SNRPN: variants seen among roughly 807,000 people sequenced by gnomAD.
SNRPN encodes small nuclear ribonucleoprotein polypeptide N, also known as small nuclear ribonucleoprotein-associated protein N.
A neutral mutation model predicts 25.2 loss-of-function variants in SNRPN; 7 were observed. The observed-to-expected ratio is 0.28, with a 90% CI of 0.16 to 0.52. The LOEUF is 0.52. SNRPN is among the 20% of genes least tolerant of loss of function. The pLI, the probability that SNRPN is intolerant of heterozygous loss-of-function variation, is 0.96. For synonymous variants in SNRPN, 124 were observed against 110.6 expected, an observed-to-expected ratio of 1.12 and a Z score of -0.76; for missense variants, 196 against 322.5, an observed-to-expected ratio of 0.61 and a Z score of 3.00.
intron 1 of SNRPN, among the ~76,000 whole-genome samples, chr15:24,883,426 C>T (rs901802106): frequency 2.6e-5 from 4 of 152,186 alleles, no homozygotes; most frequent in African/African-American, 9.6e-5. Context: ...AAGCTGGGCA[C>T]ACCCACTGGG....
Position 24,909,072 on chromosome 15 carries a change from G to T in SNRPN, c.-504-10939G>T, listed in dbSNP as rs1341455429. The T allele has an allele frequency of 2.8e-6, 4 of 1,411,318 alleles. No homozygotes were observed. The South Asian group carries it at 3.5e-5, about 12-fold the overall frequency. 87.4% of individuals were successfully genotyped at this position (1,411,318 alleles called of 1,614,324 possible). On this transcript the variant is annotated intron_variant, in intron 2 of 11. Transcript: ENST00000400097. ...TTCTTGGGCTTATTTTCATAGACTGGATTCTCTCGTATAGCAGCATGAGCT... is the reference window on the plus strand; with the variant it reads ...TTCTTGGGCTTATTTTCATAGACTGTATTCTCTCGTATAGCAGCATGAGCT...
At chr15:24,828,332 G>C (rs1490690931) in intron 1 of SNRPN, among the ~76,000 whole-genome samples, 1 of 152,092 alleles carries the variant, frequency 6.6e-6, no homozygotes, top group Non-Finnish European at 1.5e-5. Flanking sequence ...TTGAATGCAG[G>C]TGATCTTACC....
At chr15:24,838,286 C>T (rs1218260159) in intron 2 of SNRPN, among the ~76,000 whole-genome samples, 4 of 152,208 alleles carry the variant, frequency 2.6e-5, no homozygotes, top group South Asian at 2.1e-4. Context: ...CCACCCGCCT[C>T]GGCCTCCCAA....
At chr15:24,888,458 AG>A (rs1300033356) in intron 2 of SNRPN, among the ~76,000 whole-genome samples, 1 of 152,110 alleles carries the variant, frequency 6.6e-6, no homozygotes, top group Non-Finnish European at 1.5e-5. Context: ...ACACAACATC[AG>A]TTTTGTAATA....
rs548337439 is a variant in SNRPN at position 24,909,503 on chromosome 15, C to T, written c.-504-10508C>T. 3.7e-4 allele frequency: 567 copies of T among 1,534,918 alleles called. 1 individual carries two copies. The highest frequency in any genetic ancestry group is 6.9e-4 in the Middle Eastern group (3 of 4,336). On this transcript the variant is annotated intron_variant, in intron 2 of 11. Transcript: ENST00000400097. ...CATGCCAAACCTACTGAGAAGCCTG[C>T]GGGCCAGCGGCAGGCCAGTACAATA...
rs1011722886 is a variant in SNRPN, at chr15:24,929,360, G to C, written c.-391+9236G>C. 2.6e-5 allele frequency among the ~76,000 whole-genome samples: 4 copies of C among 151,890 alleles called. No homozygotes were observed. Among genetic ancestry groups the C allele is most frequent in the African/African-American group, 7.3e-5 (3 of 41,308 alleles). On this transcript the variant is annotated intron_variant, in intron 3 of 11. Coordinates refer to the SNRPN transcript ENST00000400097. The surrounding 1 kb of genome is among the most constrained non-coding windows in gnomAD (Gnocchi z 5.3). ...CCTACTCTCCCCCTTGCCTCCTAGGGTCCCCTTTCCTCTCATCAGTTGCCA... is the reference window on the plus strand; with the variant it reads ...CCTACTCTCCCCCTTGCCTCCTAGGCTCCCCTTTCCTCTCATCAGTTGCCA...
intron 2 of SNRPN, among the ~76,000 whole-genome samples, chr15:24,918,344 A>ATATATAACATAATATATATGTG (rs2059673151): frequency 1.7e-5 from 2 of 120,410 alleles, no homozygotes; most frequent in East Asian, 2.2e-4. Context: ...ATATGTGTAT[A>ATATATAACATAATATATATGTG]TATATATAAC....
chr15:24,880,740 T>G (rs547656532), intron 1 of SNRPN, among the ~76,000 whole-genome samples: 1 of 150,356 alleles, frequency 6.7e-6, no homozygotes, highest in African/African-American at 2.5e-5. Context: ...TTCTTCATTT[T>G]AACACTTACG....
intron 2 of SNRPN, among the ~76,000 whole-genome samples, chr15:24,916,485 T>A (rs1228982696): frequency 6.6e-6 from 1 of 151,476 alleles, no homozygotes; most frequent in Non-Finnish European, 1.5e-5. Context: ...GCCCAGAAAC[T>A]CAAGTTTTCA....
At chr15:24,924,096 T>G (rs1452819346) in intron 3 of SNRPN, among the ~76,000 whole-genome samples, 2 of 151,538 alleles carry the variant, frequency 1.3e-5, no homozygotes, top group African/African-American at 4.9e-5. Flanking sequence ...ACCTTTCCTC[T>G]ACTTTCTGAG....
chr15:24,837,660 T>TGC (rs1566810690), intron 2 of SNRPN, among the ~76,000 whole-genome samples: 1 of 151,896 alleles, frequency 6.6e-6, no homozygotes, highest in Non-Finnish European at 1.5e-5. Flanking sequence ...TGAGCCACCA[T>TGC]GCCCGGCTTG....
At position 24,978,277 on chromosome 15, in the gene SNRPN, T is replaced by TGCCGCCTCCGGGAATGAG; in HGVS notation, c.645_662dup (p.Gly219_Pro224dup). Reference sequence around the variant, plus strand: ...CCTGCTCGAGGGACGCCAATAGGCATGCCGCCTCCGGGAATGAGACCCCCT... The same window carrying TGCCGCCTCCGGGAATGAG: ...CCTGCTCGAGGGACGCCAATAGGCATGCCGCCTCCGGGAATGAGGCCGCCTCCGGGAATGAGACCCCCT... On this transcript the variant is annotated inframe_insertion, in exon 9 of 10. Coordinates refer to ENST00000390687, the MANE Select transcript of SNRPN (RefSeq NM_003097.6). 2 of 1,614,194 alleles carry TGCCGCCTCCGGGAATGAG rather than the reference T, an allele frequency of 1.2e-6. No individual in the cohort carries two copies. Among genetic ancestry groups the TGCCGCCTCCGGGAATGAG allele is most frequent in the Non-Finnish European group, 1.7e-6 (2 of 1,180,008 alleles).
chr15:24,933,151 T>C (rs1307862188), intron 3 of SNRPN, among the ~76,000 whole-genome samples: 1 of 152,044 alleles, frequency 6.6e-6, no homozygotes, highest in Non-Finnish European at 1.5e-5. Flanking sequence ...CCTAGCTACT[T>C]GACAGACTGA....
At chr15:24,903,180 A>G (rs573283358) in intron 2 of SNRPN, among the ~76,000 whole-genome samples, 25 of 152,190 alleles carry the variant, frequency 1.6e-4, no homozygotes, top group Non-Finnish European at 2.6e-4. Flanking sequence ...TACCTGAATC[A>G]ATCTGAAAGC....
At chr15:24,873,375 G>A (rs1398072884) in intron 1 of SNRPN, among the ~76,000 whole-genome samples, 1 of 113,256 alleles carries the variant, frequency 8.8e-6, no homozygotes, top group Non-Finnish European at 1.9e-5. Context: ...CACCCAGGCT[G>A]GAGTGCAATG....
At chr15:24,850,260 A>G (rs932811211) in intron 2 of SNRPN, 1 of 152,222 alleles carries the variant, frequency 6.6e-6, no homozygotes, top group Non-Finnish European at 1.5e-5. Context: ...AATTTTTAAA[A>G]ATTATTCAAA....
upstream of SNRPN, among the ~76,000 whole-genome samples, chr15:24,953,736 T>C (rs751106587): frequency 4.9e-4 from 75 of 152,376 alleles, no homozygotes; most frequent in South Asian, 1.0e-3. Context: ...TCAAAACAAT[T>C]CAATATTGAC....
chr15:24,907,200 G>T (rs1269476984), intron 2 of SNRPN, among the ~76,000 whole-genome samples: 1 of 152,104 alleles, frequency 6.6e-6, no homozygotes, highest in Non-Finnish European at 1.5e-5. Context: ...AAGATTCGCA[G>T]CCCAGGAAGT....
intron 2 of SNRPN, among the ~76,000 whole-genome samples, chr15:24,888,650 T>A (rs1043901381): frequency 8.5e-5 from 13 of 152,164 alleles, no homozygotes; most frequent in Admixed American, 7.9e-4. Context: ...AAAGCATCAA[T>A]CAGCCAGGGA....
Sources: gnomAD v4.1 joint callset for allele counts (sites outside exome capture counted in the v4.1 genomes callset) on GRCh38, gnomAD v4.1.1 for gene constraint, Gnocchi (gnomAD v3.1) non-coding constraint, MANE v1.5 for transcripts, NCBI Gene and HGNC (gene_info 2026-07-23, HGNC 2026-07-21) for gene names.